PHTF2: variants seen among roughly 807,000 people sequenced by gnomAD.
PHTF2 encodes putative homeodomain transcription factor 2, also known as protein PHTF2.
In PHTF2, 60 loss-of-function variants were observed where a neutral mutation model predicts 101.2. That is an observed-to-expected ratio of 0.59 (90% confidence interval 0.48 to 0.73). The LOEUF (loss-of-function observed/expected upper bound fraction) is 0.73, where lower values mean the gene tolerates loss of function less well. PHTF2 is among the 30% of genes least tolerant of loss of function. The pLI, the probability that PHTF2 is intolerant of heterozygous loss-of-function variation, is 0.00. For synonymous variants in PHTF2, 311 were observed against 307.3 expected, an observed-to-expected ratio of 1.01 and a Z score of -0.13; for missense variants, 747 against 908.7, an observed-to-expected ratio of 0.82 and a Z score of 2.29.
intron 3 of PHTF2, among the ~76,000 whole-genome samples, chr7:77,873,725 T>G (rs1227403041): frequency 6.6e-6 from 1 of 152,160 alleles, no homozygotes; most frequent in Non-Finnish European, 1.5e-5. Context: ...TTCATCAGAA[T>G]TTACAAACTC....
chr7:77,806,573 G>T (rs1003678994), intron 1 of PHTF2, among the ~76,000 whole-genome samples: 5 of 152,138 alleles, frequency 3.3e-5, no homozygotes, highest in Non-Finnish European at 5.9e-5. Context: ...ACAGATACAC[G>T]TAAAAATAGG....
chr7:77,811,279 T>C (rs967155021), intron 1 of PHTF2, among the ~76,000 whole-genome samples: 1 of 152,220 alleles, frequency 6.6e-6, no homozygotes, highest in Non-Finnish European at 1.5e-5. Context: ...AGGAGGCAAA[T>C]ACTGTTATTT....
chr7:77,824,798 C>G (rs1044440525), intron 1 of PHTF2, among the ~76,000 whole-genome samples: 5 of 151,028 alleles, frequency 3.3e-5, no homozygotes, highest in African/African-American at 1.2e-4. Context: ...TTTGGGCTGC[C>G]AAGGTGGGAA....
chr7:77,911,660 T>C (rs1234255871), intron 9 of PHTF2, among the ~76,000 whole-genome samples: 1 of 152,216 alleles, frequency 6.6e-6, no homozygotes, highest in Non-Finnish European at 1.5e-5. Context: ...ACTAAGCAGT[T>C]ATATCCAGGG....
intron 3 of PHTF2, among the ~76,000 whole-genome samples, chr7:77,891,769 T>A (rs1039060677): frequency 6.6e-6 from 1 of 151,874 alleles, no homozygotes; most frequent in African/African-American, 2.4e-5. Flanking sequence ...TAATTTTTTG[T>A]AGAGACAGGT....
At position 77,900,707 on chromosome 7, in the gene PHTF2, A is replaced by T. The variant is rs1473997240; in HGVS notation, c.217-4A>T. ...ATTCCAATGCTTCTTTTGATATATTATAGGGGCTAAGGAATAAACCAAAGA... is the reference window on the plus strand; with the variant it reads ...ATTCCAATGCTTCTTTTGATATATTTTAGGGGCTAAGGAATAAACCAAAGA... On this transcript the variant is annotated splice_region_variant and splice_polypyrimidine_tract_variant and intron_variant, in intron 5 of 19. Coordinates refer to ENST00000416283, the Ensembl canonical transcript of PHTF2. 5.5e-6 allele frequency: 8 copies of T among 1,460,740 alleles called. No individual in the cohort carries two copies. The highest frequency in any genetic ancestry group is 1.7e-5 in the Admixed American group (1 of 59,802). The allele number at this position is 1,460,740 out of a possible 1,614,324, so 90.5% of individuals were successfully genotyped here. A position where few individuals can be genotyped will look rare whatever the true frequency, so the allele number is the denominator to read the frequency against.
intron 6 of PHTF2, among the ~76,000 whole-genome samples, chr7:77,901,035 A>G (rs1801335838): frequency 6.6e-6 from 1 of 152,164 alleles, no homozygotes; most frequent in African/African-American, 2.4e-5. Flanking sequence ...GGCACATCAC[A>G]TGGCCAGAGC....
At chr7:77,910,048 T>C in intron 8 of PHTF2, 197 bp from the exon 8 acceptor site, 1 of 488,804 alleles carries the variant, frequency 2.0e-6, no homozygotes, top group Non-Finnish European at 3.6e-6. Flanking sequence ...CAAGGACCAA[T>C]ACCTTAACAT....
chr7:77,840,794 A>T (rs1050893278), intron 2 of PHTF2, among the ~76,000 whole-genome samples: 1 of 152,028 alleles, frequency 6.6e-6, no homozygotes, highest in East Asian at 1.9e-4. Context: ...ATCATCTTAT[A>T]TATTTCAGAA....
chr7:77,889,900 A>C (rs1465429879), intron 3 of PHTF2, among the ~76,000 whole-genome samples: 1 of 152,026 alleles, frequency 6.6e-6, no homozygotes, highest in Non-Finnish European at 1.5e-5. Context: ...TGCCTGGCCT[A>C]TCTGGTAGTA....
At chr7:77,836,430 TTAACA>T (rs1156596915) in intron 1 of PHTF2, among the ~76,000 whole-genome samples, 1 of 152,194 alleles carries the variant, frequency 6.6e-6, no homozygotes, top group Non-Finnish European at 1.5e-5. Context: ...AAAGGCAGAC[TTAACA>T]TACCATCTCT....
chr7:77,904,054 ATCT>A (rs1341139065), intron 7 of PHTF2, among the ~76,000 whole-genome samples: 1 of 152,124 alleles, frequency 6.6e-6, no homozygotes, highest in Non-Finnish European at 1.5e-5. Flanking sequence ...ACCTCATATC[ATCT>A]TCTACTTTCT....
exon 11 of PHTF2, chr7:77,922,744 A>G (rs759931627): frequency 1.2e-6 from 2 of 1,605,640 alleles, no homozygotes; most frequent in African/African-American, 2.7e-5. Context: ...CGGAATAGAA[A>G]GTCACACCAT....
intron 14 of PHTF2, 80 bp from the exon 14 acceptor site, chr7:77,940,448 C>A: frequency 1.5e-6 from 2 of 1,321,130 alleles, no homozygotes; most frequent in Non-Finnish European, 1.0e-6. Context: ...CAAATAAAAT[C>A]TTAACAATTC....
chr7:77,872,748 T>C (rs919463324), intron 3 of PHTF2, among the ~76,000 whole-genome samples: 3 of 152,226 alleles, frequency 2.0e-5, no homozygotes. Context: ...GTACCTCTTC[T>C]GGACCCTTCT....
chr7:77,928,882 C>A (rs967575655), intron 11 of PHTF2, among the ~76,000 whole-genome samples: 1 of 152,084 alleles, frequency 6.6e-6, no homozygotes, highest in Non-Finnish European at 1.5e-5. Flanking sequence ...CCTTTGTATG[C>A]AAAGTAATAT....
At chr7:77,912,694 A>G (rs1346229050) in intron 9 of PHTF2, among the ~76,000 whole-genome samples, 2 of 136,654 alleles carry the variant, frequency 1.5e-5, no homozygotes, top group African/African-American at 2.7e-5. Context: ...ATCTCACTGC[A>G]CACTGAGAGA....
At chr7:77,864,363 A>G (rs1797884770) in intron 3 of PHTF2, among the ~76,000 whole-genome samples, 1 of 152,186 alleles carries the variant, frequency 6.6e-6, no homozygotes, top group Non-Finnish European at 1.5e-5. Context: ...GATTTATCTT[A>G]AACAAAAATT....
intron 3 of PHTF2, among the ~76,000 whole-genome samples, chr7:77,875,685 G>C (rs921464982): frequency 6.6e-5 from 10 of 152,002 alleles, no homozygotes; most frequent in African/African-American, 2.4e-4. Context: ...AGCCTCCCGA[G>C]TAGCTGGGAC....
Sources: gnomAD v4.1 joint callset for allele counts (sites outside exome capture counted in the v4.1 genomes callset) on GRCh38, gnomAD v4.1.1 for gene constraint, MANE v1.5 for transcripts, NCBI Gene and HGNC (gene_info 2026-07-23, HGNC 2026-07-21) for gene names.